PLEKHA6: variants seen among roughly 807,000 people sequenced by gnomAD.
PLEKHA6 encodes pleckstrin homology domain containing A6.
In PLEKHA6, 60 loss-of-function variants were observed where a neutral mutation model predicts 116.7. The ratio of observed to expected loss-of-function variants is 0.51; its 90% CI spans 0.42 to 0.64. The LOEUF (loss-of-function observed/expected upper bound fraction) is 0.64. Ranked by LOEUF, PLEKHA6 falls within the 30% of genes least tolerant of loss-of-function variation. The pLI is 0.00. For missense variants in PLEKHA6, 1,338 were observed against 1,422.7 expected (o/e 0.94, Z 0.96); for synonymous variants, 489 against 556.1 (o/e 0.88, Z 1.70).
Position 204,247,462 on chromosome 1 carries a change from TA to T in PLEKHA6, c.1825-3del. ...CTCTATGGTGCTGTTTGTCAGGGCC[TA>T]CGGGGGAAAGAGGCGTTCACTGAGA... On this transcript the variant is annotated splice_polypyrimidine_tract_variant and splice_region_variant and intron_variant, in intron 12 of 22. Transcript: ENST00000272203. 2 of 1,606,156 alleles carry T rather than the reference TA, an allele frequency of 1.2e-6. No individual in the cohort carries two copies. Among genetic ancestry groups the T allele is most frequent in the Non-Finnish European group, 1.7e-6 (2 of 1,173,300 alleles).
intron 21 of PLEKHA6, among the ~76,000 whole-genome samples, chr1:204,224,206 G>A (rs1473743083): frequency 1.3e-5 from 2 of 152,178 alleles, no homozygotes; most frequent in East Asian, 1.9e-4. Context: ...TGAGCAAATC[G>A]AGACAAGCCT....
At chr1:204,243,795 C>CTTTAT (rs1663200812) in intron 15 of PLEKHA6, among the ~76,000 whole-genome samples, 1 of 152,100 alleles carries the variant, frequency 6.6e-6, no homozygotes, top group South Asian at 2.1e-4. Flanking sequence ...ATGTGCGTAT[C>CTTTAT]TTTATTTTAT....
At chr1:204,276,444 C>T (rs1384699925) in intron 1 of PLEKHA6, among the ~76,000 whole-genome samples, 1 of 152,154 alleles carries the variant, frequency 6.6e-6, no homozygotes, top group Non-Finnish European at 1.5e-5. Context: ...CTTGTCTGCC[C>T]CTAAATCTGT....
Position 204,238,584 on chromosome 1 carries a change from G to A in PLEKHA6, c.2409+2791C>T, listed in dbSNP as rs1240866789. Among the ~76,000 whole-genome samples, 1 of 152,144 alleles carries A rather than the reference G, an allele frequency of 6.6e-6. No homozygotes were observed. The highest frequency in any genetic ancestry group is 1.5e-5 in the Non-Finnish European group (1 of 68,032). ...ATGGAAGTGGTATATATGTGATCAG[G>A]CTCGAGCAGGTCCTGAAGGCACAAG... On this transcript the variant is annotated intron_variant, in intron 17 of 22. Coordinates refer to ENST00000272203, the MANE Select transcript of PLEKHA6 (RefSeq NM_014935.5). The surrounding 1 kb of genome is among the most constrained non-coding windows in gnomAD (Gnocchi z 4.2).
At chr1:204,312,544 C>G (rs1671692257) in intron 1 of PLEKHA6, among the ~76,000 whole-genome samples, 1 of 152,200 alleles carries the variant, frequency 6.6e-6, no homozygotes, top group Non-Finnish European at 1.5e-5. Flanking sequence ...CCCCATGAAG[C>G]ATGGCATTGT....
At chr1:204,319,075 C>T (rs1373921538) in intron 1 of PLEKHA6, among the ~76,000 whole-genome samples, 1 of 152,208 alleles carries the variant, frequency 6.6e-6, no homozygotes, top group African/African-American at 2.4e-5. Flanking sequence ...ACAAGGTACT[C>T]GGTTCATCTC....
chr1:204,279,732 C>T (rs1668402626), intron 1 of PLEKHA6, among the ~76,000 whole-genome samples: 1 of 152,156 alleles, frequency 6.6e-6, no homozygotes, highest in South Asian at 2.1e-4. Context: ...TCAGTGGAAA[C>T]AAACATGGCA....
chr1:204,238,371 T>C lies in PLEKHA6; in HGVS notation c.2409+3004A>G, dbSNP rs1662353207. Among the ~76,000 whole-genome samples, 1 of 152,172 alleles carries C rather than the reference T, an allele frequency of 6.6e-6. No homozygotes were observed. Among genetic ancestry groups the C allele is most frequent in the Admixed American group, 6.5e-5 (1 of 15,276 alleles). ...AGGATTTTGGAGCAAGGCCCTGCCA[T>C]CTTCTGCAGCTAACTACTCTCCTTT... On this transcript the variant is annotated intron_variant, in intron 17 of 22. Coordinates refer to ENST00000272203, the MANE Select transcript of PLEKHA6 (RefSeq NM_014935.5). The surrounding 1 kb of genome is among the most constrained non-coding windows in gnomAD (Gnocchi z 4.2).
intron 1 of PLEKHA6, among the ~76,000 whole-genome samples, chr1:204,341,750 C>CA (rs1163109270): frequency 2.6e-5 from 4 of 151,888 alleles, no homozygotes; most frequent in Admixed American, 2.6e-4. Flanking sequence ...TAATATTAAC[C>CA]AAAAAAAGTA....
chr1:204,273,650 G>T lies in PLEKHA6; in HGVS notation c.78C>A (p.Val26=), dbSNP rs35170315. 7 of 1,614,068 alleles carry T rather than the reference G, an allele frequency of 4.3e-6. No homozygotes were observed. The highest frequency in any genetic ancestry group is 5.9e-6 in the Non-Finnish European group (7 of 1,179,908). ...DIPNHNMVSE[V]PPERPSVRAT... Reference sequence around the variant, plus strand: ...CCCGGACGCTGGGCCGCTCTGGAGGGACCTCGGACACCATGTTGTGGTTGG... The same window carrying T: ...CCCGGACGCTGGGCCGCTCTGGAGGTACCTCGGACACCATGTTGTGGTTGG... Residue 26 remains valine (V), a synonymous_variant, in exon 3 of 23, where the codon GTC becomes GTA. Transcript: ENST00000272203.
intron 17 of PLEKHA6, among the ~76,000 whole-genome samples, chr1:204,240,274 C>A (rs533560768): frequency 6.6e-6 from 1 of 152,166 alleles, no homozygotes; most frequent in African/African-American, 2.4e-5. Flanking sequence ...TGGCCCAGAC[C>A]CCTCAGGAAT....
chr1:204,263,693 T>A (rs1470183355), intron 6 of PLEKHA6, among the ~76,000 whole-genome samples: 1 of 152,094 alleles, frequency 6.6e-6, no homozygotes, highest in Admixed American at 6.6e-5. Flanking sequence ...TGTCTGTGTC[T>A]CTGCACAGGT....
intron 1 of PLEKHA6, among the ~76,000 whole-genome samples, chr1:204,334,590 G>A (rs1672574743): frequency 6.6e-6 from 1 of 152,110 alleles, no homozygotes; most frequent in African/African-American, 2.4e-5. Flanking sequence ...TCTTTGTGGT[G>A]AGAACATTTA....
chr1:204,270,475 T>C (rs7551075), intron 3 of PLEKHA6, among the ~76,000 whole-genome samples: 72,424 of 151,960 alleles, frequency 0.48, 17,424 homozygotes, highest in Middle Eastern at 0.6. Flanking sequence ...TCTGCACTTC[T>C]CATCTTGGTG....
chr1:204,250,958 A>T (rs1664470844), intron 9 of PLEKHA6, among the ~76,000 whole-genome samples: 1 of 152,210 alleles, frequency 6.6e-6, no homozygotes, highest in South Asian at 2.1e-4. Context: ...CCATGAGAAC[A>T]TCAGTGAACT....
intron 17 of PLEKHA6, among the ~76,000 whole-genome samples, chr1:204,236,551 T>A (rs61103446): frequency 6.6e-6 from 1 of 152,126 alleles, no homozygotes; most frequent in Non-Finnish European, 1.5e-5. Flanking sequence ...AACTAAAAAA[T>A]TTAAATACAA....
rs758598414 is a variant in PLEKHA6, at chr1:204,228,224, G to A, written c.2890C>T (p.Gln964Ter). Residue 964 changes from glutamine to a stop codon, truncating the protein, a stop_gained, in exon 21 of 23, where the codon CAG becomes TAG. Transcript: ENST00000272203. LOFTEE classifies it high-confidence loss of function. The surrounding 1 kb of genome is among the most constrained non-coding windows in gnomAD (Gnocchi z 4.0). ...CCCTCGCCGATGGGCACCACGTTCT[G>A]CATACTGAAGAGGCACAGACACACA... ...IKTLIAKSSM[Q>*]NVVPIGEGDS... 1 of 1,600,694 alleles carries A rather than the reference G, an allele frequency of 6.2e-7. No homozygotes were observed. The highest frequency in any genetic ancestry group is 8.5e-7 in the Non-Finnish European group (1 of 1,171,512).
intron 1 of PLEKHA6, among the ~76,000 whole-genome samples, chr1:204,337,281 T>G (rs1289648190): frequency 6.6e-6 from 1 of 151,994 alleles, no homozygotes; most frequent in Non-Finnish European, 1.5e-5. Context: ...GGCCAGAGAA[T>G]GAGGAGACCA....
At chr1:204,255,536 C>A in intron 9 of PLEKHA6, 1 of 681,428 alleles carries the variant, frequency 1.5e-6, no homozygotes, top group South Asian at 1.6e-5. Context: ...CAAAGGTTGT[C>A]AAATGGCTGG....
Sources: gnomAD v4.1 joint callset for allele counts (sites outside exome capture counted in the v4.1 genomes callset) on GRCh38, gnomAD v4.1.1 for gene constraint, Gnocchi (gnomAD v3.1) non-coding constraint, MANE v1.5 for transcripts, NCBI Gene and HGNC (gene_info 2026-07-23, HGNC 2026-07-21) for gene names.